The following LOC400499 variants were observed in gnomAD, a reference collection of about 807,000 sequenced individuals.
At chr16:11,462,438 C>A in the LOC400499 span, 2 of 1,284,424 alleles carry the variant, frequency 1.6e-6, no homozygotes, top group African/African-American at 1.5e-5. Context: ...CCCAATTTTT[C>A]TTTTTCCTTG....
At chr16:11,419,245 A>T in the LOC400499 span, among the ~76,000 whole-genome samples, 1 of 152,130 alleles carries the variant, frequency 6.6e-6, no homozygotes, top group Non-Finnish European at 1.5e-5. Context: ...CTGGTACCAA[A>T]ACAGAGATAT....
the LOC400499 span, among the ~76,000 whole-genome samples, chr16:11,393,052 C>T: frequency 6.6e-6 from 1 of 152,064 alleles, no homozygotes; most frequent in Non-Finnish European, 1.5e-5. Flanking sequence ...GATGGGGTTT[C>T]ACCGTGTTAG....
the LOC400499 span, among the ~76,000 whole-genome samples, chr16:11,450,298 GT>G: frequency 6.6e-6 from 1 of 152,200 alleles, no homozygotes; most frequent in Non-Finnish European, 1.5e-5. Context: ...TTTTCACTCT[GT>G]TTTTTTGGCA....
At chr16:11,401,006 C>T in the LOC400499 span, among the ~76,000 whole-genome samples, 1 of 152,200 alleles carries the variant, frequency 6.6e-6, no homozygotes, top group Non-Finnish European at 1.5e-5. Context: ...ACGCCTGTAC[C>T]TGTTTCCCAC....
At chr16:11,511,956 A>T in the LOC400499 span, among the ~76,000 whole-genome samples, 64 of 152,108 alleles carry the variant, frequency 4.2e-4, no homozygotes, top group African/African-American at 1.5e-3. Flanking sequence ...AGGCCAAGGT[A>T]CCATTGCATT....
At chr16:11,389,685 CAAAAAAAAAAAA>C in the LOC400499 span, among the ~76,000 whole-genome samples, 10 of 59,040 alleles carry the variant, frequency 1.7e-4, no homozygotes, top group Non-Finnish European at 2.6e-4. Flanking sequence ...AACTCCATCT[CAAAAAAAAAAAA>C]AAAAAAAAAA....
At chr16:11,388,152 G>A in the LOC400499 span, among the ~76,000 whole-genome samples, 1 of 152,138 alleles carries the variant, frequency 6.6e-6, no homozygotes, top group Non-Finnish European at 1.5e-5. Flanking sequence ...CCTGCAGCTG[G>A]AGGCAGGAAG....
chr16:11,413,043 C>T, the LOC400499 span: 27 of 397,524 alleles, frequency 6.8e-5, no homozygotes, highest in Non-Finnish European at 1.2e-4. Flanking sequence ...AGCTCTATAG[C>T]CCAGCACGTC....
At chr16:11,424,091 A>G in the LOC400499 span, 3 of 399,248 alleles carry the variant, frequency 7.5e-6, no homozygotes, top group African/African-American at 2.1e-5. Flanking sequence ...GCCCGGGTGC[A>G]GCCCCCTCCT....
the LOC400499 span, among the ~76,000 whole-genome samples, chr16:11,374,771 A>ATG: frequency 3.0e-4 from 45 of 152,198 alleles, no homozygotes; most frequent in Non-Finnish European, 3.4e-4. Context: ...TAATGCTGCT[A>ATG]TGAACATCGG....
chr16:11,457,383 G>A, the LOC400499 span, among the ~76,000 whole-genome samples: 2 of 151,766 alleles, frequency 1.3e-5, no homozygotes, highest in Non-Finnish European at 2.9e-5. Flanking sequence ...CACGAGGTCA[G>A]GAGATCAAGA....
chr16:11,437,294 T>G, the LOC400499 span, among the ~76,000 whole-genome samples: 1 of 152,188 alleles, frequency 6.6e-6, no homozygotes, highest in East Asian at 1.9e-4. Context: ...GCACGATGAC[T>G]CACACCTGTA....
chr16:11,472,145 TC>T, the LOC400499 span: 2 of 225,208 alleles, frequency 8.9e-6, no homozygotes, highest in Non-Finnish European at 1.7e-5. Flanking sequence ...ACCAAATGTC[TC>T]CTGGGGGGTC....
chr16:11,424,098 T>G, the LOC400499 span: 386 of 399,286 alleles, frequency 9.7e-4, 2 homozygotes, highest in African/African-American at 7.2e-3. Flanking sequence ...TGCAGCCCCC[T>G]CCTCACTCAC....
the LOC400499 span, among the ~76,000 whole-genome samples, chr16:11,449,362 T>G: frequency 6.6e-6 from 1 of 152,200 alleles, no homozygotes; most frequent in African/African-American, 2.4e-5. Context: ...CTCTTCAGTT[T>G]GGGGAGGGAA....
At chr16:11,493,262 ACTTGACT>A in the LOC400499 span, among the ~76,000 whole-genome samples, 1 of 152,190 alleles carries the variant, frequency 6.6e-6, no homozygotes, top group Non-Finnish European at 1.5e-5. Flanking sequence ...TCTTGCAATG[ACTTGACT>A]CTGCAGGTGG....
chr16:11,448,963 G>A, the LOC400499 span: 5 of 1,503,884 alleles, frequency 3.3e-6, no homozygotes, highest in Non-Finnish European at 2.7e-6. Context: ...AGCTCCTGCT[G>A]GGGGCCTTTC....
the LOC400499 span, among the ~76,000 whole-genome samples, chr16:11,397,087 TC>T: frequency 6.6e-6 from 1 of 152,134 alleles, no homozygotes; most frequent in Non-Finnish European, 1.5e-5. Flanking sequence ...TGTTGTATCG[TC>T]CTGGCCCCAC....
chr16:11,480,468 A>G, the LOC400499 span, among the ~76,000 whole-genome samples: 2 of 152,216 alleles, frequency 1.3e-5, no homozygotes, highest in Non-Finnish European at 2.9e-5. Context: ...TCAGATGTAC[A>G]TGGCAATGAC....
Sources: allele counts gnomAD v4.1 joint callset (sites outside exome capture counted in the v4.1 genomes callset), GRCh38; gene constraint gnomAD v4.1.1; transcripts MANE v1.5.